LAMC1: variants seen among roughly 807,000 people sequenced by gnomAD.
LAMC1 encodes the protein laminin subunit gamma-1.
Under a neutral mutation model 173.6 loss-of-function variants are expected in LAMC1, and 38 were observed. That is an observed-to-expected ratio of 0.22 (90% CI 0.17 to 0.29). LAMC1 has a LOEUF of 0.29. Ranked by LOEUF, LAMC1 falls within the 10% of genes least tolerant of loss-of-function variation. The pLI, the probability that LAMC1 is intolerant of heterozygous loss-of-function variation, is 1.00. For missense variants in LAMC1, 1,824 were observed against 2,051.8 expected (o/e 0.89, Z 2.14); for synonymous variants, 746 against 749.1 (o/e 1.00, Z 0.07).
At chr1:183,042,233 A>G (rs1451908572) in intron 1 of LAMC1, among the ~76,000 whole-genome samples, 3 of 152,140 alleles carry the variant, frequency 2.0e-5, no homozygotes, top group African/African-American at 7.2e-5. Context: ...CCTTTAGGGT[A>G]TCATTCTTAT....
chr1:183,112,911 A>G (rs1656204898), intron 4 of LAMC1, among the ~76,000 whole-genome samples: 1 of 152,212 alleles, frequency 6.6e-6, no homozygotes, highest in African/African-American at 2.4e-5. Context: ...GGGGCTGAGT[A>G]TGGTGGCTCA....
intron 11 of LAMC1, among the ~76,000 whole-genome samples, chr1:183,119,665 G>A (rs1311066437): frequency 6.6e-6 from 1 of 152,022 alleles, no homozygotes; most frequent in East Asian, 1.9e-4. Context: ...CACTCAGGAG[G>A]TCAAGGCTGC....
chr1:183,099,386 G>T (rs552767455), intron 1 of LAMC1, among the ~76,000 whole-genome samples: 3 of 152,156 alleles, frequency 2.0e-5, no homozygotes, highest in African/African-American at 7.2e-5. Flanking sequence ...TACTGAGCCC[G>T]GCCCATTCTC....
In LAMC1 at chr1:183,091,575, A is replaced by G. The variant is rs1035296278; in HGVS notation, c.419-11753A>G. Among the ~76,000 whole-genome samples the G allele has an allele frequency of 3.9e-5, 6 of 151,950 alleles. No individual in the cohort carries two copies. The South Asian group carries it at 1.2e-3, about 32-fold the overall frequency. The stretch of plus-strand genomic sequence containing the variant: ...TACTTAAGCCCCCCTTTTAATGTAT[A>G]TTTTTTAAATACCTAAAATTTCTTC... On this transcript the variant is annotated intron_variant, in intron 1 of 27. Transcript: ENST00000258341.
Position 183,023,856 on chromosome 1 carries a change from C to T in LAMC1, c.140C>T (p.Pro47Leu), listed in dbSNP as rs965459208. 86 of 1,609,594 alleles carry T rather than the reference C, an allele frequency of 5.3e-5. No homozygotes were observed. Among genetic ancestry groups the T allele is most frequent in the Non-Finnish European group, 7.0e-5 (82 of 1,178,018 alleles). Residue 47 changes from proline to leucine, a missense_variant, in exon 1 of 28, where the codon CCG becomes CTG. Pro to Leu is a moderately conservative substitution (Grantham distance 98). Transcript: ENST00000258341. The part of the protein sequence containing the change: ...MDECTDEGGR[P>L]QRCMPEFVNA... Reference sequence around the variant, plus strand: ...GAGTGCACGGACGAGGGCGGGCGGCCGCAGCGCTGCATGCCCGAGTTCGTC... The same window carrying T: ...GAGTGCACGGACGAGGGCGGGCGGCTGCAGCGCTGCATGCCCGAGTTCGTC...
chr1:183,103,321 C>T lies in LAMC1; in HGVS notation c.419-7C>T. 1 of 1,610,414 alleles carries T rather than the reference C, an allele frequency of 6.2e-7. No homozygotes were observed. The highest frequency in any genetic ancestry group is 8.5e-7 in the Non-Finnish European group (1 of 1,177,976). On this transcript the variant is annotated splice_region_variant and splice_polypyrimidine_tract_variant and intron_variant, in intron 1 of 27. Transcript: ENST00000258341. ...GATTTATGACCTTTGATGTGTTTGT[C>T]CCACAGGAAAAGCTTTTGACATCAC...
intron 1 of LAMC1, among the ~76,000 whole-genome samples, chr1:183,050,490 G>C (rs1226554164): frequency 6.8e-6 from 1 of 147,898 alleles, no homozygotes; most frequent in Non-Finnish European, 1.5e-5. Flanking sequence ...CACCACGTTA[G>C]CCAGGATGGT....
Position 183,029,452 on chromosome 1 carries a change from A to G in LAMC1, c.418+5318A>G, listed in dbSNP as rs543863617. 1.6e-4 allele frequency among the ~76,000 whole-genome samples: 25 copies of G among 152,266 alleles called. No individual in the cohort carries two copies. In the East Asian group the frequency reaches 4.4e-3, roughly 27 times the overall value. ...TCTAAAATGCAAATCTGATCATACA[A>G]TTTTGCAGCTAAAAATTCTGCAGTG... is the stretch of plus-strand genomic sequence containing the variant. On this transcript the variant is annotated intron_variant, in intron 1 of 27. Transcript: ENST00000258341.
intron 19 of LAMC1, 133 bp downstream of exon 19, chr1:183,130,682 G>A: frequency 1.5e-6 from 1 of 685,204 alleles, no homozygotes; most frequent in Non-Finnish European, 2.5e-6. Flanking sequence ...CTAAATATGG[G>A]GCAGAAAAGC....
intron 1 of LAMC1, among the ~76,000 whole-genome samples, chr1:183,100,706 G>C (rs1048614450): frequency 2.6e-5 from 4 of 152,210 alleles, no homozygotes; most frequent in Non-Finnish European, 5.9e-5. Context: ...GTCATCTCAT[G>C]ATGAGTTGTA....
intron 2 of LAMC1, among the ~76,000 whole-genome samples, chr1:183,107,944 G>A (rs575715940): frequency 6.6e-6 from 1 of 152,298 alleles, no homozygotes; most frequent in South Asian, 2.1e-4. Flanking sequence ...TCCAGATACA[G>A]GATGGAGGGA....
chr1:183,111,908 G>A (rs1571447420), intron 4 of LAMC1, among the ~76,000 whole-genome samples: 1 of 152,082 alleles, frequency 6.6e-6, no homozygotes, highest in Non-Finnish European at 1.5e-5. Flanking sequence ...GGTGGTGCAC[G>A]CCTGTAATCA....
intron 1 of LAMC1, among the ~76,000 whole-genome samples, chr1:183,095,458 A>G (rs922808031): frequency 1.3e-5 from 2 of 152,222 alleles, no homozygotes; most frequent in Non-Finnish European, 2.9e-5. Context: ...TGTCTTTTTC[A>G]TATCTTAACA....
intron 1 of LAMC1, among the ~76,000 whole-genome samples, chr1:183,090,354 A>G (rs1003150353): frequency 4.6e-5 from 7 of 152,220 alleles, no homozygotes; most frequent in African/African-American, 1.7e-4. Context: ...CACAAGTTCA[A>G]GCACAGCCCA....
chr1:183,091,056 T>C (rs1477935288), intron 1 of LAMC1, among the ~76,000 whole-genome samples: 2 of 152,204 alleles, frequency 1.3e-5, no homozygotes, highest in African/African-American at 4.8e-5. Flanking sequence ...TAGATAATTC[T>C]AGGGGTATCA....
intron 1 of LAMC1, among the ~76,000 whole-genome samples, chr1:183,072,702 G>A (rs764034149): frequency 3.3e-5 from 5 of 152,226 alleles, no homozygotes; most frequent in South Asian, 4.1e-4. Flanking sequence ...GCAAGCGAGC[G>A]AAGCTTTATT....
intron 1 of LAMC1, among the ~76,000 whole-genome samples, chr1:183,024,949 A>G (rs4652763): frequency 0.5 from 75,865 of 152,148 alleles, 19,629 homozygotes; most frequent in South Asian, 0.64. Context: ...GGATGGACAT[A>G]TGTATCTGGA....
intron 1 of LAMC1, among the ~76,000 whole-genome samples, chr1:183,064,545 A>G (rs1435545069): frequency 2.0e-4 from 30 of 152,216 alleles, no homozygotes; most frequent in Admixed American, 2.0e-3. Context: ...ATTAATAAAA[A>G]CAAGTAAGAC....
chr1:183,134,627 C>T (rs1656887107), intron 22 of LAMC1, 33 bp from the exon 23 acceptor site: 2 of 1,571,068 alleles, frequency 1.3e-6, no homozygotes, highest in Non-Finnish European at 1.7e-6. Flanking sequence ...AATGTTTTAT[C>T]CAAAGTGTAG....
Sources: allele counts gnomAD v4.1 joint callset (sites outside exome capture counted in the v4.1 genomes callset), GRCh38; gene constraint gnomAD v4.1.1; transcripts MANE v1.5; gene names NCBI Gene and HGNC (gene_info 2026-07-23, HGNC 2026-07-21).